The following DIS3L2 variants were observed in gnomAD, a reference collection of about 807,000 sequenced individuals.
The protein encoded by DIS3L2 is DIS3 like 3'-5' exoribonuclease 2.
A neutral mutation model predicts 97.5 loss-of-function variants in DIS3L2; 34 were observed. The ratio of observed to expected loss-of-function variants is 0.35; its 90% CI spans 0.27 to 0.46. The LOEUF is 0.46. Ranked by LOEUF, DIS3L2 falls within the 20% of genes least tolerant of loss-of-function variation. The probability of loss-of-function intolerance (pLI) is 1.00; values close to 1 mark genes in which losing one functional copy is unlikely to be tolerated. For synonymous variants in DIS3L2, 435 were observed against 445.2 expected (o/e 0.98, Z 0.29); for missense variants, 1,038 against 1,146.0 (o/e 0.91, Z 1.36).
intron 6 of DIS3L2, among the ~76,000 whole-genome samples, chr2:232,101,102 C>T (rs1038150042): frequency 2.0e-5 from 3 of 151,658 alleles, no homozygotes; most frequent in Non-Finnish European, 4.4e-5. Flanking sequence ...CGTGGTGGTG[C>T]ACCCCTGTTG....
intron 13 of DIS3L2, among the ~76,000 whole-genome samples, chr2:232,271,478 G>A (rs142989364): frequency 7.9e-5 from 12 of 152,306 alleles, no homozygotes; most frequent in Non-Finnish European, 1.2e-4. Context: ...GTACAGGAAG[G>A]CTTCTGCTAG....
intron 13 of DIS3L2, among the ~76,000 whole-genome samples, chr2:232,287,782 G>A (rs1222867730): frequency 6.6e-6 from 1 of 152,118 alleles, no homozygotes; most frequent in Non-Finnish European, 1.5e-5. Context: ...TGTCTGTACT[G>A]TTTTAAACTT....
chr2:232,224,847 A>G (rs1692600327), intron 10 of DIS3L2, among the ~76,000 whole-genome samples: 3 of 151,914 alleles, frequency 2.0e-5, no homozygotes, highest in African/African-American at 4.8e-5. Flanking sequence ...TTAAAAAAAA[A>G]AAAAAAAGAA....
At chr2:232,231,330 T>A (rs1051084204) in intron 10 of DIS3L2, among the ~76,000 whole-genome samples, 1 of 152,166 alleles carries the variant, frequency 6.6e-6, no homozygotes, top group African/African-American at 2.4e-5. Context: ...TGTGGTTGTT[T>A]AGCCTGAAGC....
intron 9 of DIS3L2, among the ~76,000 whole-genome samples, chr2:232,204,967 C>T (rs768842661): frequency 1.1e-4 from 17 of 152,054 alleles, no homozygotes; most frequent in Non-Finnish European, 2.5e-4. Context: ...CTCACCGTTC[C>T]TTTGCTTCTC....
At position 232,087,654 on chromosome 2, in the gene DIS3L2, A is replaced by G; in HGVS notation, c.534A>G (p.Gly178=). ...TTGATGGCAGCGACTCAGAAGATGG[A>G]CATGGCATCACACAAAATGTGCTGG... The part of the protein sequence containing the change: ...AQFDGSDSED[G]HGITQNVLVD... The change falls in exon 6 of 21, where the codon GGA becomes GGG. Residue 178 remains glycine, a synonymous_variant. Coordinates refer to ENST00000325385, the MANE Select transcript of DIS3L2 (RefSeq NM_152383.5). 6.2e-7 allele frequency: 1 copy of G among 1,614,206 alleles called. No individual in the cohort carries two copies. The highest frequency in any genetic ancestry group is 1.3e-5 in the African/African-American group (1 of 75,056).
chr2:232,217,304 C>T (rs1323024292), intron 10 of DIS3L2, among the ~76,000 whole-genome samples: 20 of 152,186 alleles, frequency 1.3e-4, no homozygotes. Context: ...TGGGAAAAAA[C>T]AACACAGACT....
intron 8 of DIS3L2, among the ~76,000 whole-genome samples, chr2:232,142,734 C>T (rs1312044270): frequency 3.3e-5 from 5 of 152,072 alleles, no homozygotes; most frequent in East Asian, 1.9e-4. Flanking sequence ...CCATAAGAAG[C>T]GAAAATAACT....
At position 232,330,733 on chromosome 2, in the gene DIS3L2, C is replaced by T; in HGVS notation, c.1967C>T (p.Ala656Val). 2 of 1,613,664 alleles carry T rather than the reference C, an allele frequency of 1.2e-6. No individual in the cohort carries two copies. Among genetic ancestry groups the T allele is most frequent in the Non-Finnish European group, 1.7e-6 (2 of 1,180,014 alleles). The stretch of plus-strand genomic sequence containing the variant: ...TTTGGAGATGACAAGTACTCACTGG[C>T]CCGCAAGGAGGTGCTCACCAACATG... ...QTFGDDKYSL[A>V]RKEVLTNMCS... Residue 656 changes from alanine (A) to valine (V), a missense_variant, in exon 16 of 21, where the codon GCC becomes GTC. Transcript: ENST00000325385.
chr2:232,088,855 G>A (rs201150818), intron 6 of DIS3L2, among the ~76,000 whole-genome samples: 1 of 152,178 alleles, frequency 6.6e-6, no homozygotes, highest in East Asian at 1.9e-4. Flanking sequence ...CTACATAGAA[G>A]GAGTATATTT....
intron 14 of DIS3L2, among the ~76,000 whole-genome samples, chr2:232,300,430 CT>C (rs1183756158): frequency 6.6e-6 from 1 of 152,130 alleles, no homozygotes; most frequent in Non-Finnish European, 1.5e-5. Context: ...CATGTGCCTG[CT>C]TGTTTGGTTC....
chr2:232,212,060 G>T (rs1231356006), intron 10 of DIS3L2, among the ~76,000 whole-genome samples: 1 of 152,122 alleles, frequency 6.6e-6, no homozygotes, highest in Non-Finnish European at 1.5e-5. Context: ...AAAGAAACAA[G>T]AGAAAAGGTC....
At chr2:231,976,512 C>T (rs938385465) in intron 1 of DIS3L2, among the ~76,000 whole-genome samples, 9 of 151,562 alleles carry the variant, frequency 5.9e-5, no homozygotes, top group African/African-American at 2.2e-4. Flanking sequence ...GCCTATAGTC[C>T]CAGCTACTTG....
chr2:232,186,209 A>G (rs1200107464), intron 9 of DIS3L2, among the ~76,000 whole-genome samples: 1 of 152,264 alleles, frequency 6.6e-6, no homozygotes, highest in Non-Finnish European at 1.5e-5. Context: ...GACACACATC[A>G]CATTAGAAGT....
chr2:232,070,665 A>G (rs534909924), intron 5 of DIS3L2, among the ~76,000 whole-genome samples: 37 of 151,310 alleles, frequency 2.4e-4, no homozygotes, highest in Non-Finnish European at 4.0e-4. Flanking sequence ...AGTCACTGCA[A>G]CCTTCACCTC....
chr2:232,305,033 G>T (rs1193973312), intron 14 of DIS3L2, among the ~76,000 whole-genome samples: 2 of 152,022 alleles, frequency 1.3e-5, no homozygotes, highest in Admixed American at 6.6e-5. Flanking sequence ...TTTACTATCG[G>T]CTGCTTAATA....
At chr2:232,227,932 G>C (rs1214248558) in intron 10 of DIS3L2, among the ~76,000 whole-genome samples, 7 of 152,124 alleles carry the variant, frequency 4.6e-5, no homozygotes, top group Admixed American at 3.9e-4. Flanking sequence ...TTGGCTGGTA[G>C]AGACTAGTAA....
intron 13 of DIS3L2, among the ~76,000 whole-genome samples, chr2:232,267,854 G>C (rs1042908409): frequency 1.3e-5 from 2 of 152,210 alleles, no homozygotes; most frequent in Non-Finnish European, 2.9e-5. Flanking sequence ...TGAAGACAAG[G>C]CCTCAGGCTT....
chr2:232,328,446 GCCCTGGCAGGCCCA>G (rs1695636662), intron 14 of DIS3L2: 1 of 152,146 alleles, frequency 6.6e-6, no homozygotes, highest in African/African-American at 2.4e-5. Flanking sequence ...CCACACGTCT[GCCCTGGCAGGCCCA>G]CCCTGGGTGG....
Sources: allele counts gnomAD v4.1 joint callset (sites outside exome capture counted in the v4.1 genomes callset), GRCh38; gene constraint gnomAD v4.1.1; transcripts MANE v1.5; gene names NCBI Gene and HGNC (gene_info 2026-07-23, HGNC 2026-07-21).